Variants in MSTO1 observed in about 807,000 individuals in gnomAD.
MSTO1 encodes misato mitochondrial distribution and morphology regulator 1.
A neutral mutation model predicts 55.7 loss-of-function variants in MSTO1; 24 were observed. The observed-to-expected ratio is 0.43, with a 90% CI of 0.31 to 0.61. The LOEUF (loss-of-function observed/expected upper bound fraction) is 0.61. Ranked by LOEUF, MSTO1 falls within the 20% of genes least tolerant of loss-of-function variation. The pLI is 0.09. For missense variants in MSTO1, 363 were observed against 625.7 expected (o/e 0.58, Z 4.48); for synonymous variants, 162 against 252.8 (o/e 0.64, Z 3.41).
At chr1:155,586,734 C>T in the MSTO1 span, 1 of 469,698 alleles carries the variant, frequency 2.1e-6, no homozygotes, top group Non-Finnish European at 4.2e-6. Context: ...GATCTGAACA[C>T]TTTGTGCATA....
the MSTO1 span, among the ~76,000 whole-genome samples, chr1:155,569,429 C>T: frequency 7.0e-6 from 1 of 143,562 alleles, no homozygotes; most frequent in Non-Finnish European, 1.5e-5. Context: ...GCCACTGCGC[C>T]CGGTCTTTTT....
Position 155,614,840 on chromosome 1 carries a change from G to C in MSTO1, c.*567G>C. The C allele has an allele frequency of 6.3e-7, 1 of 1,579,204 alleles. No individual in the cohort carries two copies. Among genetic ancestry groups the C allele is most frequent in the Non-Finnish European group, 8.6e-7 (1 of 1,161,834 alleles). Reference sequence around the variant, plus strand: ...CTGGCTTCACAGGCAGTGTGGAAGAGCTGCATGAGTTCTCGAAAATGGTGG... The same window carrying C: ...CTGGCTTCACAGGCAGTGTGGAAGACCTGCATGAGTTCTCGAAAATGGTGG... On this transcript the variant is annotated 3_prime_UTR_variant, in exon 14 of 14. Coordinates refer to ENST00000245564, the MANE Select transcript of MSTO1 (RefSeq NM_018116.4).
chr1:155,590,561 G>A, the MSTO1 span: 2 of 1,035,298 alleles, frequency 1.9e-6, no homozygotes, highest in East Asian at 2.4e-5. Context: ...GCCACTTCTG[G>A]ATGGCTCTAG....
At chr1:155,589,462 A>G in the MSTO1 span, among the ~76,000 whole-genome samples, 1 of 151,956 alleles carries the variant, frequency 6.6e-6, no homozygotes, top group East Asian at 1.9e-4. Context: ...GGATAGAAGT[A>G]TATATGAAGG....
intron 8 of MSTO1, 28 bp downstream of exon 8, chr1:155,612,344 T>G (rs758887626): frequency 6.3e-7 from 1 of 1,578,002 alleles, no homozygotes; most frequent in South Asian, 1.2e-5. Flanking sequence ...AAGTAAACAG[T>G]CACACAGTGG....
the MSTO1 span, among the ~76,000 whole-genome samples, chr1:155,575,685 C>G: frequency 6.6e-6 from 1 of 151,890 alleles, no homozygotes; most frequent in Non-Finnish European, 1.5e-5. Flanking sequence ...CATAAGCAAT[C>G]CTTCTGCCTC....
the MSTO1 span, among the ~76,000 whole-genome samples, chr1:155,598,296 G>T: frequency 6.6e-6 from 1 of 152,124 alleles, no homozygotes; most frequent in Non-Finnish European, 1.5e-5. Context: ...TGTATTTTTA[G>T]TAGAGACAGG....
At chr1:155,569,684 T>C in the MSTO1 span, among the ~76,000 whole-genome samples, 2 of 151,692 alleles carry the variant, frequency 1.3e-5, no homozygotes, top group Non-Finnish European at 2.9e-5. Context: ...TGATCTACCC[T>C]CCTCAATCTC....
chr1:155,584,991 G>C, the MSTO1 span, among the ~76,000 whole-genome samples: 1 of 151,704 alleles, frequency 6.6e-6, no homozygotes, highest in Non-Finnish European at 1.5e-5. Flanking sequence ...AAACTCCTGG[G>C]CTCAAGCAGT....
the MSTO1 span, chr1:155,563,882 G>C: frequency 3.3e-6 from 1 of 303,762 alleles, no homozygotes; most frequent in South Asian, 2.8e-5. Context: ...TGTCGATAAC[G>C]TTTGTGGGTG....
At chr1:155,588,836 C>T in the MSTO1 span, among the ~76,000 whole-genome samples, 1 of 152,132 alleles carries the variant, frequency 6.6e-6, no homozygotes, top group Admixed American at 6.6e-5. Context: ...GATTAGATTT[C>T]CTAGAAAAGG....
chr1:155,563,428 G>A, the MSTO1 span: 1 of 456,732 alleles, frequency 2.2e-6, no homozygotes, highest in Non-Finnish European at 4.4e-6. Context: ...GGACCGGCGC[G>A]CCTCCGGGGG....
chr1:155,614,947 C>A lies in MSTO1; in HGVS notation c.*674C>A. ...TTATGAAGCACTATATATTGATTTG[C>A]AAAATCTTTTGTTTATTCCACACAG... is the stretch of plus-strand genomic sequence containing the variant. On this transcript the variant is annotated 3_prime_UTR_variant, in exon 14 of 14. Coordinates refer to ENST00000245564, the MANE Select transcript of MSTO1 (RefSeq NM_018116.4). 2.8e-6 allele frequency: 3 copies of A among 1,063,476 alleles called. No homozygotes were observed. The highest frequency in any genetic ancestry group is 2.6e-5 in the East Asian group (1 of 37,946). The allele number at this position is 1,063,476 out of a possible 1,614,324, so 65.9% of individuals were successfully genotyped here. A position where few individuals can be genotyped will look rare whatever the true frequency, so the allele number is the denominator to read the frequency against.
chr1:155,603,999 C>G, the MSTO1 span, among the ~76,000 whole-genome samples: 2 of 152,236 alleles, frequency 1.3e-5, no homozygotes, highest in Non-Finnish European at 2.9e-5. Flanking sequence ...GAAAAGAGAG[C>G]AACTTTAGTT....
chr1:155,612,905 C>T lies in MSTO1; in HGVS notation c.1028C>T (p.Pro343Leu). The T allele has an allele frequency of 3.1e-6, 5 of 1,613,862 alleles. No homozygotes were observed. The South Asian group carries it at 4.4e-5, about 14-fold the overall frequency. The change falls in exon 10 of 14, where the codon CCT becomes CTT. Residue 343 changes from proline to leucine, a missense_variant. Around this residue, in one of 3 missense-constraint regions of MSTO1, gnomAD observed 231 missense variants for 286.9 expected, o/e 0.81. Coordinates refer to ENST00000245564, the MANE Select transcript of MSTO1 (RefSeq NM_018116.4). ...ACAGCCCTGGACACAGTCACTGTTC[C>T]TTATCGCCTGTGTTCCTCTCCAGTT... The part of the protein sequence containing the change: ...LATALDTVTV[P>L]YRLCSSPVSM...
the MSTO1 span, among the ~76,000 whole-genome samples, chr1:155,564,646 A>G: frequency 6.6e-6 from 1 of 152,182 alleles, no homozygotes; most frequent in African/African-American, 2.4e-5. Context: ...ACCTCATTGT[A>G]TATTTTCCTA....
At chr1:155,597,118 A>G in the MSTO1 span, among the ~76,000 whole-genome samples, 1 of 151,132 alleles carries the variant, frequency 6.6e-6, no homozygotes, top group African/African-American at 2.4e-5. Flanking sequence ...AAAATACAAA[A>G]GACAAAGACA....
At chr1:155,570,520 A>T in the MSTO1 span, among the ~76,000 whole-genome samples, 1 of 152,182 alleles carries the variant, frequency 6.6e-6, no homozygotes, top group Non-Finnish European at 1.5e-5. Flanking sequence ...GGTTGATATT[A>T]GCTACATCAG....
At chr1:155,600,106 C>T in the MSTO1 span, among the ~76,000 whole-genome samples, 3 of 152,222 alleles carry the variant, frequency 2.0e-5, no homozygotes, top group Non-Finnish European at 2.9e-5. Context: ...GGCTGGGGAA[C>T]GGTCAGGTCT....
Sources: gnomAD v4.1 joint callset for allele counts (sites outside exome capture counted in the v4.1 genomes callset) on GRCh38, gnomAD v4.1.1 for gene constraint, gnomAD v4.1.1 regional missense constraint, MANE v1.5 for transcripts, NCBI Gene and HGNC (gene_info 2026-07-23, HGNC 2026-07-21) for gene names.